The following HTD2 variants were observed in gnomAD, a reference collection of about 807,000 sequenced individuals.
HTD2 encodes the protein hydroxyacyl-thioester dehydratase type 2.
HTD2 carries 1 observed loss-of-function variant against 3.1 expected under a neutral mutation model. The ratio of observed to expected loss-of-function variants is 0.32; its 90% CI spans 0.11 to 1.52. The LOEUF is 1.52. Ranked by LOEUF, HTD2 falls within the 40% of genes most tolerant of loss-of-function variation. HTD2 has a pLI of 0.39. For missense variants in HTD2, 150 were observed against 79.6 expected, an observed-to-expected ratio of 1.88 and a Z score of -3.36; for synonymous variants, 50 against 28.9, an observed-to-expected ratio of 1.73 and a Z score of -2.34.
upstream of HTD2, chr3:58,306,445 G>C (rs554858975): frequency 1.3e-5 from 2 of 152,450 alleles, no homozygotes; most frequent in East Asian, 3.9e-4. Flanking sequence ...AAAGAGCGGC[G>C]GTTGTCTGGG....
chr3:58,319,625 C>G lies in HTD2; in HGVS notation c.*1505C>G, dbSNP rs1032305702. 3 of 96,862 alleles carry G rather than the reference C, an allele frequency of 3.1e-5. No homozygotes were observed. The highest frequency in any genetic ancestry group is 5.9e-5 in the Non-Finnish European group (3 of 50,876). 6.0% of individuals were successfully genotyped at this position (96,862 alleles called of 1,614,324 possible). On this transcript the variant is annotated 3_prime_UTR_variant, in exon 5 of 5. Transcript: ENST00000461393. ...CTCCCATTATTATGAGTAATACATG[C>G]TTATAGTAAAAAAAAAAAAATTGTA...
intron 2 of HTD2, among the ~76,000 whole-genome samples, chr3:58,314,080 G>T (rs1438801283): frequency 6.6e-6 from 1 of 152,228 alleles, no homozygotes; most frequent in East Asian, 1.9e-4. Context: ...ATGGGGCGTG[G>T]TGGCTCATGC....
In HTD2 at chr3:58,306,662, A is replaced by C. The variant is rs2097475209; in HGVS notation, c.-416+11A>C. The C allele has an allele frequency of 6.6e-6, 1 of 150,422 alleles. No homozygotes were observed. The highest frequency in any genetic ancestry group is 1.5e-5 in the Non-Finnish European group (1 of 68,058). The allele number at this position is 150,422 out of a possible 1,614,324, so 9.3% of individuals were successfully genotyped here. A position where few individuals can be genotyped will look rare whatever the true frequency, so the allele number is the denominator to read the frequency against. On this transcript the variant is annotated intron_variant, in intron 1 of 4. Coordinates refer to ENST00000461393, the MANE Select transcript of HTD2 (RefSeq NM_001348712.2). Reference sequence around the variant, plus strand: ...TGCGCCCGGCGCGAGGTGAGCGCTAAATAGTGGTTGTTGAAAAATATTGAA... The same window carrying C: ...TGCGCCCGGCGCGAGGTGAGCGCTACATAGTGGTTGTTGAAAAATATTGAA...
chr3:58,317,952 C>T lies in HTD2; in HGVS notation c.339C>T (p.Ser113=). 2 of 702,888 alleles carry T rather than the reference C, an allele frequency of 2.8e-6. No homozygotes were observed. The highest frequency in any genetic ancestry group is 2.6e-6 in the Non-Finnish European group (1 of 384,962). 43.5% of individuals were successfully genotyped at this position (702,888 alleles called of 1,614,324 possible). A position where few individuals can be genotyped will look rare whatever the true frequency, so the allele number is the denominator to read the frequency against. Residue 113 remains serine, a synonymous_variant, in exon 5 of 5, where the codon AGC becomes AGT. Transcript: ENST00000461393. ...GTGTATTTCTTTCCCAGGAAATTAGCTTTCCAGCCCCTTTATATATTGGAG... is the reference window on the plus strand; with the variant it reads ...GTGTATTTCTTTCCCAGGAAATTAGTTTTCCAGCCCCTTTATATATTGGAG... ...PGCVFLSQEI[S]FPAPLYIGEV... is the part of the protein sequence containing the mutation.
At chr3:58,313,696 G>A (rs368239793) in intron 2 of HTD2, among the ~76,000 whole-genome samples, 3 of 152,140 alleles carry the variant, frequency 2.0e-5, no homozygotes, top group African/African-American at 7.2e-5. Context: ...GTGGTGGTGT[G>A]CACTGATAGT....
intron 4 of HTD2, 64 bp downstream of exon 4, chr3:58,317,057 T>C: frequency 4.4e-6 from 5 of 1,139,780 alleles, no homozygotes; most frequent in Non-Finnish European, 6.5e-6. Flanking sequence ...CTTCTTAATA[T>C]ACACAACTCA....
intron 2 of HTD2, 126 bp from the exon 3 acceptor site, chr3:58,316,389 G>A: frequency 1.2e-6 from 1 of 816,918 alleles, no homozygotes; most frequent in Non-Finnish European, 2.0e-6. Context: ...TAAAGTGCCA[G>A]CACCATTAAA....
intron 1 of HTD2, among the ~76,000 whole-genome samples, chr3:58,309,181 G>C (rs901434187): frequency 1.4e-4 from 21 of 152,184 alleles, no homozygotes; most frequent in Admixed American, 6.5e-5. Flanking sequence ...TGTTGACTGA[G>C]AGTAAACAAG....
At chr3:58,308,920 T>G (rs1018488421) in intron 1 of HTD2, among the ~76,000 whole-genome samples, 1 of 152,134 alleles carries the variant, frequency 6.6e-6, no homozygotes, top group Non-Finnish European at 1.5e-5. Flanking sequence ...GAGAGCAAGG[T>G]TGGCATGGAG....
In HTD2 at chr3:58,311,708, CT is replaced by C. The variant is rs756755418; in HGVS notation, c.-331+1131del. Among the ~76,000 whole-genome samples, 337 of 139,056 alleles carry C rather than the reference CT, an allele frequency of 2.4e-3. 2 individuals are homozygous for C. Among genetic ancestry groups the C allele is most frequent in the Middle Eastern group, 7.6e-3 (2 of 262 alleles). 91.2% of individuals were successfully genotyped at this position (139,056 alleles called of 152,430 possible). A position where few individuals can be genotyped will look rare whatever the true frequency, so the allele number is the denominator to read the frequency against. The stretch of plus-strand genomic sequence containing the variant: ...CAATAAATATGAGAGTGCATATGTC[CT>C]TTTTTTTTTTTTTCCCCACCTTGGC... On this transcript the variant is annotated intron_variant, in intron 2 of 4. Coordinates refer to ENST00000461393, the MANE Select transcript of HTD2 (RefSeq NM_001348712.2).
intron 1 of HTD2, 139 bp downstream of exon 1, chr3:58,306,790 T>C (rs1420426752): frequency 1.3e-5 from 2 of 152,084 alleles, no homozygotes; most frequent in African/African-American, 4.9e-5. Context: ...CCCAGTGTTT[T>C]AGGGCCTTGG....
intron 2 of HTD2, among the ~76,000 whole-genome samples, chr3:58,314,675 A>ATTTTTTTTTTTTTTTTTT (rs751757663): frequency 8.8e-5 from 8 of 90,560 alleles, no homozygotes; most frequent in African/African-American, 8.8e-5. Flanking sequence ...GTTTGGCAGT[A>ATTTTTTTTTTTTTTTTTT]TTTTTTTTTT....
At chr3:58,317,083 A>G in intron 4 of HTD2, 90 bp downstream of exon 4, 1 of 929,078 alleles carries the variant, frequency 1.1e-6, no homozygotes, top group Non-Finnish European at 1.7e-6. Flanking sequence ...GTGCTTGCAT[A>G]AATGTAATAT....
intron 2 of HTD2, among the ~76,000 whole-genome samples, chr3:58,312,339 C>A (rs1238882796): frequency 5.5e-5 from 7 of 127,226 alleles, no homozygotes; most frequent in Non-Finnish European, 8.3e-5. Context: ...TCCGCACCCC[C>A]CCCCGCCCCT....
chr3:58,313,784 C>T (rs1559794652), intron 2 of HTD2, among the ~76,000 whole-genome samples: 1 of 152,178 alleles, frequency 6.6e-6, no homozygotes, highest in Non-Finnish European at 1.5e-5. Context: ...GTGATCACAC[C>T]TCCATGGCTG....
Position 58,317,635 on chromosome 3 carries a change from C to T in HTD2, c.22C>T (p.His8Tyr), listed in dbSNP as rs1482135017. 1.4e-6 allele frequency: 1 copy of T among 732,794 alleles called. No individual in the cohort carries two copies. Among genetic ancestry groups the T allele is most frequent in the Non-Finnish European group, 2.4e-6 (1 of 410,632 alleles). 45.4% of individuals were successfully genotyped at this position (732,794 alleles called of 1,614,324 possible). The change falls in exon 5 of 5, where the codon CAT becomes TAT. Residue 8 changes from histidine (H) to tyrosine (Y), a missense_variant. Coordinates refer to ENST00000461393, the MANE Select transcript of HTD2 (RefSeq NM_001348712.2). Reference sequence around the variant, plus strand: ...GAAGATGTTCCCACTAATTTCCAGCCATCACCTTTGGTGGGGTGGGCTTCG... The same window carrying T: ...GAAGATGTTCCCACTAATTTCCAGCTATCACCTTTGGTGGGGTGGGCTTCG... Reference protein sequence around the residue: MFPLISSHHLWWGGLRRT... With the variant: MFPLISSYHLWWGGLRRT...
At chr3:58,307,825 T>G (rs2097477165) in intron 1 of HTD2, 1 of 151,794 alleles carries the variant, frequency 6.6e-6, no homozygotes, top group Admixed American at 6.6e-5. Flanking sequence ...TCCTTTAATG[T>G]CAGAACAGCC....
chr3:58,310,320 A>C, intron 1 of HTD2, 187 bp from the exon 2 acceptor site: 1 of 1,613,604 alleles, frequency 6.2e-7, no homozygotes, highest in Non-Finnish European at 8.5e-7. Flanking sequence ...TGTGATCAGC[A>C]CTGGAAAAGA....
rs143737950 is a variant in HTD2 at position 58,319,810 on chromosome 3, C to A, written c.*1690C>A. 11 of 152,006 alleles carry A rather than the reference C, an allele frequency of 7.2e-5. No homozygotes were observed. In the East Asian group the frequency reaches 2.1e-3, roughly 29 times the overall value. The allele number at this position is 152,006 out of a possible 1,614,324, so 9.4% of individuals were successfully genotyped here. A position where few individuals can be genotyped will look rare whatever the true frequency, so the allele number is the denominator to read the frequency against. ...TTGTTTCCCATTTTTTTTTGTTTCC[C>A]GTTTTTTAATAAAATTGAGATATAA... On this transcript the variant is annotated 3_prime_UTR_variant, in exon 5 of 5. Transcript: ENST00000461393.
Sources: gnomAD v4.1 joint callset for allele counts (sites outside exome capture counted in the v4.1 genomes callset) on GRCh38, gnomAD v4.1.1 for gene constraint, MANE v1.5 for transcripts, NCBI Gene and HGNC (gene_info 2026-07-23, HGNC 2026-07-21) for gene names.